Variants in ME2 observed in about 807,000 individuals in gnomAD.
ME2 encodes the protein malic enzyme 2, also known as NAD-dependent malic enzyme, mitochondrial.
In ME2, 60 loss-of-function variants were observed where a neutral mutation model predicts 73.7. The ratio of observed to expected loss-of-function variants is 0.81; its 90% CI spans 0.66 to 1.01. The LOEUF (loss-of-function observed/expected upper bound fraction) is 1.01. Among genes scored for constraint, ME2 ranks in the 50% least tolerant of loss-of-function variants. ME2 has a pLI of 0.00. For missense variants in ME2, 594 were observed against 705.5 expected, an observed-to-expected ratio of 0.84 and a Z score of 1.79; for synonymous variants, 199 against 236.9, an observed-to-expected ratio of 0.84 and a Z score of 1.47.
rs542592998 is a variant in ME2, at chr18:50,908,221, T to G, written c.242+25T>G. 3 of 1,535,086 alleles carry G rather than the reference T, an allele frequency of 2.0e-6. No individual in the cohort carries two copies. In the South Asian group the frequency reaches 3.7e-5, roughly 19 times the overall value. ...AGTAAGAGTTGCTTAGATGTTTCTT[T>G]TTTTATTGGTATTCTGATTAGAAAA... On this transcript the variant is annotated intron_variant, in intron 3 of 15. Transcript: ENST00000321341.
chr18:50,879,529 C>G (rs111757801), intron 1 of ME2, among the ~76,000 whole-genome samples: 2,702 of 152,294 alleles, frequency 0.018, 47 homozygotes, highest in Admixed American at 0.029. Context: ...GACCCAGGTT[C>G]CAGCGGCCGC....
chr18:50,945,513 A>G (rs1918063134), intron 15 of ME2, among the ~76,000 whole-genome samples: 1 of 152,210 alleles, frequency 6.6e-6, no homozygotes, highest in African/African-American at 2.4e-5. Flanking sequence ...CAGTGATAAT[A>G]AAATATTAGT....
chr18:50,940,409 T>C, intron 15 of ME2, 23 bp downstream of exon 15: 1 of 1,342,602 alleles, frequency 7.4e-7, no homozygotes, highest in Admixed American at 2.0e-5. Context: ...TTAAACTTCT[T>C]CACATTAATT....
rs1056755375 is a variant in ME2, at chr18:50,951,278, AG to A, written c.*4095del. The A allele has an allele frequency of 2.0e-5, 3 of 152,230 alleles. No individual in the cohort carries two copies. Among genetic ancestry groups the A allele is most frequent in the African/African-American group, 7.2e-5 (3 of 41,462 alleles). The allele number at this position is 152,230 out of a possible 1,614,324, so 9.4% of individuals were successfully genotyped here. On this transcript the variant is annotated 3_prime_UTR_variant, in exon 16 of 16. Coordinates refer to ENST00000321341, the MANE Select transcript of ME2 (RefSeq NM_002396.5). Reference sequence around the variant, plus strand: ...TTGCAAATGAGTTGCCAATGAATTAAGATCAAAACGTCATTATTAAGGAGTA... The same window carrying A: ...TTGCAAATGAGTTGCCAATGAATTAAATCAAAACGTCATTATTAAGGAGTA...
rs933532390 is a variant in ME2 at position 50,950,364 on chromosome 18, T to G, written c.*3180T>G. 11 of 151,778 alleles carry G rather than the reference T, an allele frequency of 7.2e-5. No homozygotes were observed. Among genetic ancestry groups the G allele is most frequent in the Admixed American group, 7.2e-4 (11 of 15,244 alleles). 9.4% of individuals were successfully genotyped at this position (151,778 alleles called of 1,614,324 possible). ...AGGAGGACCCCTGACACACCGATTCTGCCCTCACAATCACTGCCTTAAAGC... is the reference window on the plus strand; with the variant it reads ...AGGAGGACCCCTGACACACCGATTCGGCCCTCACAATCACTGCCTTAAAGC... On this transcript the variant is annotated 3_prime_UTR_variant, in exon 16 of 16. Transcript: ENST00000321341.
intron 2 of ME2, among the ~76,000 whole-genome samples, chr18:50,900,712 T>C (rs1355321140): frequency 6.6e-6 from 1 of 152,148 alleles, no homozygotes; most frequent in Admixed American, 6.5e-5. Context: ...TGGAGGTAAC[T>C]GAATCGTGGG....
chr18:50,893,592 T>A lies in ME2; in HGVS notation c.-12-2217T>A, dbSNP rs536062852. On this transcript the variant is annotated intron_variant, in intron 1 of 15. Transcript: ENST00000321341. ...AGTTTGTGTAGGCTCAGCTACTGGTTATTTTTCTGTCTTACTGTCTTTTGA... is the reference window on the plus strand; with the variant it reads ...AGTTTGTGTAGGCTCAGCTACTGGTAATTTTTCTGTCTTACTGTCTTTTGA... 2.0e-5 allele frequency among the ~76,000 whole-genome samples: 3 copies of A among 152,344 alleles called. No homozygotes were observed. The South Asian group carries it at 6.2e-4, about 32-fold the overall frequency.
chr18:50,892,580 T>G (rs1250807481), intron 1 of ME2, among the ~76,000 whole-genome samples: 1 of 152,236 alleles, frequency 6.6e-6, no homozygotes. Flanking sequence ...ATAATTTGTA[T>G]TAGTATTGTA....
intron 3 of ME2, among the ~76,000 whole-genome samples, chr18:50,910,652 A>C (rs1357096539): frequency 2.0e-5 from 3 of 152,166 alleles, no homozygotes; most frequent in Admixed American, 1.3e-4. Flanking sequence ...CATTCAGTTA[A>C]TATTCAGGAC....
chr18:50,929,927 T>C (rs1222149913), intron 12 of ME2, among the ~76,000 whole-genome samples: 2 of 152,198 alleles, frequency 1.3e-5, no homozygotes, highest in African/African-American at 4.8e-5. Flanking sequence ...TTTAAGAATT[T>C]TGTTTTTTGT....
intron 10 of ME2, among the ~76,000 whole-genome samples, chr18:50,923,828 T>C (rs938630364): frequency 2.0e-5 from 3 of 152,184 alleles, no homozygotes; most frequent in Admixed American, 2.0e-4. Context: ...TTGTGCCACA[T>C]TGGACTTAGG....
rs1457219893 is a variant in ME2, at chr18:50,920,661, G to A, written c.845G>A (p.Gly282Glu). Residue 282 changes from glycine to glutamate, a missense_variant and splice_region_variant, in exon 9 of 16, where the codon GGG becomes GAG. Gly to Glu is a moderately conservative substitution (Grantham distance 98, BLOSUM62 -2). Coordinates refer to ENST00000321341, the MANE Select transcript of ME2 (RefSeq NM_002396.5). ...KYCTFNDDIQ[G>E]TAAVALAGLL... ...GTAAAAATCTTTGTTTTTCTTACAG[G>A]GACAGCTGCAGTAGCTCTAGCAGGT... 1.2e-5 allele frequency: 19 copies of A among 1,597,396 alleles called. No homozygotes were observed. Among genetic ancestry groups the A allele is most frequent in the Non-Finnish European group, 1.5e-5 (18 of 1,175,848 alleles).
At chr18:50,885,971 C>G (rs972199351) in intron 1 of ME2, among the ~76,000 whole-genome samples, 2 of 152,112 alleles carry the variant, frequency 1.3e-5, no homozygotes, top group African/African-American at 4.8e-5. Context: ...CAAATTCTCT[C>G]TCTTAAAAAT....
rs1918143279 is a variant in ME2, at chr18:50,948,538, ATTCT to A, written c.*1357_*1360del. On this transcript the variant is annotated 3_prime_UTR_variant, in exon 16 of 16. Transcript: ENST00000321341. Reference sequence around the variant, plus strand: ...ATCTTCTGCCTATGAATACAAATTGATTCTTTTTTTTTTTTTTTTTTTTTGAGAC... The same window carrying A: ...ATCTTCTGCCTATGAATACAAATTGATTTTTTTTTTTTTTTTTTTTGAGAC... The A allele has an allele frequency of 2.2e-5, 3 of 136,076 alleles. No individual in the cohort carries two copies. Among genetic ancestry groups the A allele is most frequent in the Non-Finnish European group, 3.2e-5 (2 of 62,462 alleles). The allele number at this position is 136,076 out of a possible 1,614,324, so 8.4% of individuals were successfully genotyped here.
At chr18:50,889,147 C>G (rs1257486752) in intron 1 of ME2, among the ~76,000 whole-genome samples, 2 of 152,030 alleles carry the variant, frequency 1.3e-5, no homozygotes, top group African/African-American at 4.8e-5. Context: ...TTAATTCCCT[C>G]CCCCCCATGA....
intron 13 of ME2, chr18:50,933,734 G>A (rs190683851): frequency 6.6e-6 from 1 of 152,080 alleles, no homozygotes; most frequent in East Asian, 1.9e-4. Context: ...TGTTGCAGGG[G>A]GTTTCATGTA....
rs1278858173 is a variant in ME2, at chr18:50,947,584, AG to A, written c.*401del. ...ATAGAAATTTACTTTTATGGATAGAAGTACAGAATTTTGAGAAGAAACTAAA... is the reference window on the plus strand; with the variant it reads ...ATAGAAATTTACTTTTATGGATAGAATACAGAATTTTGAGAAGAAACTAAA... On this transcript the variant is annotated 3_prime_UTR_variant, in exon 16 of 16. Coordinates refer to ENST00000321341, the MANE Select transcript of ME2 (RefSeq NM_002396.5). 6.5e-6 allele frequency: 1 copy of A among 154,592 alleles called. No individual in the cohort carries two copies. Among genetic ancestry groups the A allele is most frequent in the Non-Finnish European group, 1.4e-5 (1 of 69,734 alleles). The allele number at this position is 154,592 out of a possible 1,614,324, so 9.6% of individuals were successfully genotyped here. A position where few individuals can be genotyped will look rare whatever the true frequency, so the allele number is the denominator to read the frequency against.
rs57428974 is a variant in ME2, at chr18:50,941,353, C to CTTTTTTTTTT, written c.1587+989_1587+998dup. On this transcript the variant is annotated intron_variant, in intron 15 of 15. Transcript: ENST00000321341. Reference sequence around the variant, plus strand: ...TCTTTGTGTGTATTTGTGATGGTTTCTTTTTTTTTTTTTTTTTTTTTTTTT... The same window carrying CTTTTTTTTTT: ...TCTTTGTGTGTATTTGTGATGGTTTCTTTTTTTTTTTTTTTTTTTTTTTTTTTTTTTTTTT... Among the ~76,000 whole-genome samples, 163 of 63,844 alleles carry CTTTTTTTTTT rather than the reference C, an allele frequency of 2.6e-3. 34 individuals carry two copies. The highest frequency in any genetic ancestry group is 6.7e-3 in the African/African-American group (83 of 12,430). The allele number at this position is 63,844 out of a possible 152,430, so 41.9% of individuals were successfully genotyped here. A position where few individuals can be genotyped will look rare whatever the true frequency, so the allele number is the denominator to read the frequency against.
intron 8 of ME2, 47 bp from the exon 9 acceptor site, chr18:50,920,614 T>C: frequency 1.3e-6 from 2 of 1,578,078 alleles, no homozygotes. Context: ...TTAAACATTT[T>C]TAATGTGCCC....
Sources: allele counts gnomAD v4.1 joint callset (sites outside exome capture counted in the v4.1 genomes callset), GRCh38; gene constraint gnomAD v4.1.1; transcripts MANE v1.5; gene names NCBI Gene and HGNC (gene_info 2026-07-23, HGNC 2026-07-21).